CIMIP6: variants seen among roughly 807,000 people sequenced by gnomAD.
The protein encoded by CIMIP6 is ciliary microtubule inner protein 6.
the CIMIP6 span, among the ~76,000 whole-genome samples, chr2:54,332,054 T>C: frequency 2.6e-5 from 4 of 152,224 alleles, no homozygotes; most frequent in Non-Finnish European, 5.9e-5. Flanking sequence ...ATGCCAATGC[T>C]GCTACTCCAG....
At chr2:54,366,199 G>T in the CIMIP6 span, among the ~76,000 whole-genome samples, 1 of 152,190 alleles carries the variant, frequency 6.6e-6, no homozygotes, top group Non-Finnish European at 1.5e-5. Flanking sequence ...AGAGCAGCAT[G>T]TGCAACTTCT....
the CIMIP6 span, among the ~76,000 whole-genome samples, chr2:54,378,439 T>A: frequency 5.9e-5 from 9 of 152,318 alleles, no homozygotes; most frequent in African/African-American, 2.2e-4. Flanking sequence ...CAACTTAAAT[T>A]CTTCCCTAAT....
the CIMIP6 span, among the ~76,000 whole-genome samples, chr2:54,355,788 T>C: frequency 6.6e-6 from 1 of 152,332 alleles, no homozygotes; most frequent in East Asian, 1.9e-4. Flanking sequence ...CCTGTTCTTG[T>C]TCGTATTAAC....
At chr2:54,334,837 C>A in the CIMIP6 span, 1 of 1,545,084 alleles carries the variant, frequency 6.5e-7, no homozygotes, top group Non-Finnish European at 8.8e-7. Flanking sequence ...ATAGAGGATG[C>A]TGCTATAACA....
At chr2:54,360,185 C>A in the CIMIP6 span, 1 of 1,532,378 alleles carries the variant, frequency 6.5e-7, no homozygotes, top group Non-Finnish European at 8.7e-7. Context: ...TTAATGTCGA[C>A]TTTGTTTTCT....
chr2:54,378,391 G>C, the CIMIP6 span, among the ~76,000 whole-genome samples: 8 of 152,178 alleles, frequency 5.3e-5, no homozygotes, highest in African/African-American at 1.9e-4. Flanking sequence ...ACCAACAGGA[G>C]TTTAAAATAA....
At chr2:54,344,699 G>C in the CIMIP6 span, among the ~76,000 whole-genome samples, 1 of 116,954 alleles carries the variant, frequency 8.6e-6, no homozygotes, top group Non-Finnish European at 1.9e-5. Context: ...AGTTATTTCG[G>C]TAAATCAAGC....
At chr2:54,366,967 T>A in the CIMIP6 span, among the ~76,000 whole-genome samples, 1 of 152,048 alleles carries the variant, frequency 6.6e-6, no homozygotes, top group Non-Finnish European at 1.5e-5. Context: ...ATCTTAGAGA[T>A]GATGAAACTA....
the CIMIP6 span, chr2:54,343,732 T>C: frequency 1.3e-6 from 2 of 1,594,674 alleles, no homozygotes; most frequent in Non-Finnish European, 1.7e-6. Flanking sequence ...TGACTGGTGG[T>C]CACATGGTAA....
the CIMIP6 span, among the ~76,000 whole-genome samples, chr2:54,364,266 CTTA>C: frequency 2.0e-5 from 3 of 152,014 alleles, no homozygotes; most frequent in African/African-American, 7.3e-5. Flanking sequence ...AAGTAGTTCC[CTTA>C]TTATTTCCAA....
chr2:54,361,667 C>T, the CIMIP6 span: 2 of 152,100 alleles, frequency 1.3e-5, no homozygotes, highest in Admixed American at 6.6e-5. Flanking sequence ...GGAGATCTTT[C>T]CTTGTCAACA....
chr2:54,331,862 A>G, the CIMIP6 span, among the ~76,000 whole-genome samples: 1 of 152,228 alleles, frequency 6.6e-6, no homozygotes, highest in African/African-American at 2.4e-5. Flanking sequence ...TGTCCCTGGA[A>G]CAATGGTTCT....
chr2:54,357,830 C>T, the CIMIP6 span, among the ~76,000 whole-genome samples: 1 of 151,902 alleles, frequency 6.6e-6, no homozygotes, highest in South Asian at 2.1e-4. Context: ...TGTGATCTGC[C>T]TGCCTCTGCC....
the CIMIP6 span, among the ~76,000 whole-genome samples, chr2:54,331,727 G>T: frequency 4.0e-4 from 60 of 151,698 alleles, no homozygotes; most frequent in African/African-American, 1.4e-3. Flanking sequence ...CAATAATCTG[G>T]CTTCAACCAA....
At chr2:54,334,949 A>C in the CIMIP6 span, 1 of 1,601,814 alleles carries the variant, frequency 6.2e-7, no homozygotes, top group Non-Finnish European at 8.5e-7. Context: ...ATTATGCTAA[A>C]TTCATTAACA....
chr2:54,378,544 G>A, the CIMIP6 span, among the ~76,000 whole-genome samples: 1 of 152,134 alleles, frequency 6.6e-6, no homozygotes, highest in Non-Finnish European at 1.5e-5. Context: ...ATATGCATGT[G>A]AAATTACCAA....
the CIMIP6 span, among the ~76,000 whole-genome samples, chr2:54,346,072 A>G: frequency 0.76 from 115,665 of 152,062 alleles, 44,159 homozygotes; most frequent in Non-Finnish European, 0.8. Flanking sequence ...ACCCACTGAG[A>G]AGGAAATGAA....
chr2:54,345,149 A>G, the CIMIP6 span, among the ~76,000 whole-genome samples: 1 of 152,170 alleles, frequency 6.6e-6, no homozygotes. Context: ...AATTGACACA[A>G]AGATCAACAG....
At chr2:54,377,705 A>T in the CIMIP6 span, among the ~76,000 whole-genome samples, 2 of 152,190 alleles carry the variant, frequency 1.3e-5, no homozygotes, top group African/African-American at 4.8e-5. Context: ...TTGTGTGGCA[A>T]CAGTAGGTGT....
Sources: allele counts gnomAD v4.1 joint callset (sites outside exome capture counted in the v4.1 genomes callset), GRCh38; gene constraint gnomAD v4.1.1; transcripts MANE v1.5; gene names NCBI Gene and HGNC (gene_info 2026-07-23, HGNC 2026-07-21).